PITPNC1: variants seen among roughly 807,000 people sequenced by gnomAD.
PITPNC1 encodes cytoplasmic phosphatidylinositol transfer protein 1.
PITPNC1 carries 18 observed loss-of-function variants against 44.7 expected under a neutral mutation model. That is an observed-to-expected ratio of 0.40 (90% CI 0.28 to 0.60). The LOEUF is 0.60. Ranked by LOEUF, PITPNC1 falls within the 20% of genes least tolerant of loss-of-function variation. The pLI, the probability that PITPNC1 is intolerant of heterozygous loss-of-function variation, is 0.39. For synonymous variants in PITPNC1, 141 were observed against 149.6 expected (o/e 0.94, Z 0.42); for missense variants, 290 against 418.4 (o/e 0.69, Z 2.68).
chr17:67,564,036 AATAG>A (rs970526102), intron 4 of PITPNC1, among the ~76,000 whole-genome samples: 60 of 152,296 alleles, frequency 3.9e-4, no homozygotes, highest in African/African-American at 9.1e-4. Context: ...GATAGATATT[AATAG>A]ATAGATTGAT....
intron 1 of PITPNC1, among the ~76,000 whole-genome samples, chr17:67,517,888 A>T (rs2040278240): frequency 6.6e-6 from 1 of 152,172 alleles, no homozygotes; most frequent in Non-Finnish European, 1.5e-5. Flanking sequence ...ATTTTTTTTA[A>T]AAAAGTATGG....
intron 1 of PITPNC1, among the ~76,000 whole-genome samples, chr17:67,515,329 G>A (rs540629802): frequency 2.0e-5 from 3 of 152,196 alleles, no homozygotes; most frequent in African/African-American, 7.2e-5. Flanking sequence ...AAGAAGATGT[G>A]CTGATTCGTT....
At chr17:67,625,647 T>C (rs1159844701) in intron 5 of PITPNC1, among the ~76,000 whole-genome samples, 1 of 152,168 alleles carries the variant, frequency 6.6e-6, no homozygotes, top group Non-Finnish European at 1.5e-5. Context: ...CCGCTGCCAC[T>C]TCCCACTGCT....
rs374454198 is a variant in PITPNC1 at position 67,504,562 on chromosome 17, G to A, written c.49-28240G>A. Among the ~76,000 whole-genome samples, 4 of 152,324 alleles carry A rather than the reference G, an allele frequency of 2.6e-5. No individual in the cohort carries two copies. The South Asian group carries it at 8.3e-4, about 32-fold the overall frequency. ...CCGTACCTTCCTGGAGCAAAGGGAA[G>A]ACCTGGGAAACGTTTTGACAAAGCA... On this transcript the variant is annotated intron_variant, in intron 1 of 8. Transcript: ENST00000581322.
At chr17:67,506,334 G>A (rs2144079502) in intron 1 of PITPNC1, among the ~76,000 whole-genome samples, 1 of 152,238 alleles carries the variant, frequency 6.6e-6, no homozygotes, top group East Asian at 1.9e-4. Flanking sequence ...TCTCCCTTTA[G>A]ATTTAAGATA....
chr17:67,624,051 G>T (rs991058850), intron 5 of PITPNC1, among the ~76,000 whole-genome samples: 2 of 152,088 alleles, frequency 1.3e-5, no homozygotes, highest in South Asian at 4.2e-4. Context: ...TCATGAAATG[G>T]ATTTACCTTA....
chr17:67,561,145 T>C (rs1277858300), intron 4 of PITPNC1, among the ~76,000 whole-genome samples: 1 of 152,150 alleles, frequency 6.6e-6, no homozygotes, highest in Non-Finnish European at 1.5e-5. Context: ...ACCAACATAG[T>C]ATATTTCAGG....
At chr17:67,464,022 C>T (rs1567999975) in intron 1 of PITPNC1, among the ~76,000 whole-genome samples, 1 of 152,032 alleles carries the variant, frequency 6.6e-6, no homozygotes, top group African/African-American at 2.4e-5. Flanking sequence ...AGTGAAACCT[C>T]ATCTGTACTA....
intron 1 of PITPNC1, among the ~76,000 whole-genome samples, chr17:67,489,262 C>T (rs35874162): frequency 0.047 from 7,117 of 152,296 alleles, 222 homozygotes; most frequent in Middle Eastern, 0.11. Flanking sequence ...CCATAGGCCT[C>T]TGTCCTCACA....
At chr17:67,661,483 C>T (rs576078493) in intron 6 of PITPNC1, among the ~76,000 whole-genome samples, 2 of 152,242 alleles carry the variant, frequency 1.3e-5, no homozygotes, top group South Asian at 4.1e-4. Flanking sequence ...CCACTGTCTT[C>T]CTGCAACAGA....
At chr17:67,454,148 G>A (rs554755979) in intron 1 of PITPNC1, among the ~76,000 whole-genome samples, 26 of 152,202 alleles carry the variant, frequency 1.7e-4, no homozygotes, top group Non-Finnish European at 1.8e-4. Flanking sequence ...CTACTTGGGA[G>A]GCTGAGGCAG....
intron 6 of PITPNC1, among the ~76,000 whole-genome samples, chr17:67,633,798 C>A (rs574089719): frequency 1.8e-4 from 28 of 152,216 alleles, no homozygotes; most frequent in Non-Finnish European, 3.5e-4. Flanking sequence ...CGCCTCGGGC[C>A]CCCCCGGGCT....
intron 1 of PITPNC1, among the ~76,000 whole-genome samples, chr17:67,421,418 G>C (rs921370130): frequency 6.6e-6 from 1 of 152,050 alleles, no homozygotes; most frequent in Admixed American, 6.6e-5. Flanking sequence ...GAGTAGCTGG[G>C]ATTACAGGCA....
At chr17:67,429,529 T>G (rs1039471251) in intron 1 of PITPNC1, among the ~76,000 whole-genome samples, 5 of 151,922 alleles carry the variant, frequency 3.3e-5, no homozygotes, top group Non-Finnish European at 7.4e-5. Flanking sequence ...TGAAACCCCA[T>G]CTCTACTAAA....
chr17:67,631,657 A>AAAAATATATAT (rs1555574522), intron 5 of PITPNC1, among the ~76,000 whole-genome samples: 14 of 7,676 alleles, frequency 1.8e-3, no homozygotes, highest in South Asian at 7.9e-3. Flanking sequence ...AAAAAAAAAA[A>AAAAATATATAT]ATATATATAT....
Position 67,405,605 on chromosome 17 carries a change from C to T in PITPNC1, c.48+27403C>T, listed in dbSNP as rs570544010. Among the ~76,000 whole-genome samples the T allele has an allele frequency of 3.4e-4, 51 of 150,396 alleles. 1 individual carries two copies. The highest frequency in any genetic ancestry group is 2.1e-3 in the South Asian group (10 of 4,750). Reference sequence around the variant, plus strand: ...TACTCAACATTTTCTTTCTTTCTTTCTTTCTTTTTTTTTTTTTTGAGACAG... The same window carrying T: ...TACTCAACATTTTCTTTCTTTCTTTTTTTCTTTTTTTTTTTTTTGAGACAG... On this transcript the variant is annotated intron_variant, in intron 1 of 8. Transcript: ENST00000581322.
intron 1 of PITPNC1, among the ~76,000 whole-genome samples, chr17:67,422,170 G>T (rs1049683840): frequency 3.3e-5 from 5 of 152,132 alleles, no homozygotes; most frequent in African/African-American, 1.2e-4. Flanking sequence ...CTAAAAGGAG[G>T]GGCAGAGGGA....
intron 1 of PITPNC1, among the ~76,000 whole-genome samples, chr17:67,419,219 G>A (rs2038630903): frequency 6.6e-6 from 1 of 152,096 alleles, no homozygotes; most frequent in Admixed American, 6.5e-5. Context: ...GGTTGGCAAA[G>A]AGTCAGGAGC....
intron 1 of PITPNC1, among the ~76,000 whole-genome samples, chr17:67,495,823 C>T (rs769503213): frequency 6.6e-6 from 1 of 152,150 alleles, no homozygotes; most frequent in Non-Finnish European, 1.5e-5. Context: ...ATGGTCATAA[C>T]ATATAAAGCA....
Sources: gnomAD v4.1 joint callset for allele counts (sites outside exome capture counted in the v4.1 genomes callset) on GRCh38, gnomAD v4.1.1 for gene constraint, MANE v1.5 for transcripts, NCBI Gene and HGNC (gene_info 2026-07-23, HGNC 2026-07-21) for gene names.